The following SLC7A8 variants were observed in gnomAD, a reference collection of about 807,000 sequenced individuals.
SLC7A8 encodes the protein solute carrier family 7 member 8.
In SLC7A8, 30 loss-of-function variants were observed where a neutral mutation model predicts 51.2. The ratio of observed to expected loss-of-function variants is 0.59; its 90% CI spans 0.44 to 0.80. The LOEUF is 0.80. Ranked by LOEUF, SLC7A8 falls within the 30% of genes least tolerant of loss-of-function variation. The pLI, the probability that SLC7A8 is intolerant of heterozygous loss-of-function variation, is 0.00. For synonymous variants in SLC7A8, 257 were observed against 275.8 expected (o/e 0.93, Z 0.67); for missense variants, 612 against 674.4 (o/e 0.91, Z 1.03).
intron 3 of SLC7A8, among the ~76,000 whole-genome samples, chr14:23,152,992 C>T (rs1386673375): frequency 6.6e-6 from 1 of 152,218 alleles, no homozygotes; most frequent in African/African-American, 2.4e-5. Context: ...TGGGACTCTC[C>T]TTGTAGTCAA....
In SLC7A8 at chr14:23,128,421, AG is replaced by A. The variant is rs2048600940; in HGVS notation, c.1264-226del. The A allele has an allele frequency of 1.4e-6, 2 of 1,475,502 alleles. No homozygotes were observed. Among genetic ancestry groups the A allele is most frequent in the East Asian group, 5.2e-5 (2 of 38,266 alleles). 91.4% of individuals were successfully genotyped at this position (1,475,502 alleles called of 1,614,324 possible). A position where few individuals can be genotyped will look rare whatever the true frequency, so the allele number is the denominator to read the frequency against. ...GTCAGACAGGAAGAGGATGGGGAGG[AG>A]TTAGGGAGGAAACGATCCTCCTTGC... is the stretch of plus-strand genomic sequence containing the variant. On this transcript the variant is annotated intron_variant, in intron 9 of 10. Coordinates refer to ENST00000316902, the MANE Select transcript of SLC7A8 (RefSeq NM_012244.4). The surrounding 1 kb of genome is among the most constrained non-coding windows in gnomAD (Gnocchi z 4.3).
At chr14:23,159,772 T>C (rs900827292) in intron 3 of SLC7A8, among the ~76,000 whole-genome samples, 1 of 152,194 alleles carries the variant, frequency 6.6e-6, no homozygotes, top group Non-Finnish European at 1.5e-5. Flanking sequence ...ACTCAGGAGT[T>C]TGAAGCAACA....
chr14:23,153,121 T>C (rs372852975), intron 3 of SLC7A8, among the ~76,000 whole-genome samples: 33 of 152,242 alleles, frequency 2.2e-4, no homozygotes, highest in African/African-American at 7.2e-4. Flanking sequence ...TCATTTTATT[T>C]TTCTTTTACA....
intron 3 of SLC7A8, chr14:23,146,925 T>G (rs2048799855): frequency 6.6e-6 from 1 of 152,216 alleles, no homozygotes; most frequent in Non-Finnish European, 1.5e-5. Context: ...TAGCTACTGC[T>G]TGGCACTTGT....
chr14:23,143,746 T>TA (rs1323480848), intron 3 of SLC7A8, among the ~76,000 whole-genome samples: 1 of 152,266 alleles, frequency 6.6e-6, no homozygotes, highest in Non-Finnish European at 1.5e-5. Flanking sequence ...GCACTTCATA[T>TA]ATAGAACATT....
Position 23,143,179 on chromosome 14 carries a change from G to C in SLC7A8, c.534C>G (p.Ser178=), listed in dbSNP as rs773287689. 3 of 1,614,200 alleles carry C rather than the reference G, an allele frequency of 1.9e-6. No homozygotes were observed. The highest frequency in any genetic ancestry group is 2.2e-5 in the South Asian group (2 of 91,078). Residue 178 remains serine (S), a synonymous_variant, in exon 4 of 11, where the codon TCC becomes TCG. Transcript: ENST00000316902. ...CLLLLTWVNC[S]SVRWATRVQD... ...GAACCCGGGTGGCCCACCGCACACTGGAACAGTTGACCCATGTGAGGAGCA... is the reference window on the plus strand; with the variant it reads ...GAACCCGGGTGGCCCACCGCACACTCGAACAGTTGACCCATGTGAGGAGCA...
intron 3 of SLC7A8, among the ~76,000 whole-genome samples, chr14:23,147,104 T>TC (rs1566364153): frequency 1.6e-4 from 24 of 151,488 alleles, no homozygotes; most frequent in East Asian, 5.8e-4. Flanking sequence ...CATCCATCCA[T>TC]CATAGATCCA....
intron 3 of SLC7A8, among the ~76,000 whole-genome samples, chr14:23,157,922 T>A (rs1010010913): frequency 1.3e-5 from 2 of 152,172 alleles, no homozygotes; most frequent in Non-Finnish European, 2.9e-5. Flanking sequence ...GGTTCCTTGG[T>A]ACAAAAACTA....
intron 8 of SLC7A8, among the ~76,000 whole-genome samples, chr14:23,130,837 C>G (rs541426247): frequency 9.9e-5 from 15 of 152,068 alleles, no homozygotes; most frequent in African/African-American, 3.6e-4. Flanking sequence ...AAAAATAACT[C>G]AAAAGACTCA....
At chr14:23,178,731 T>C (rs918088947) in intron 1 of SLC7A8, among the ~76,000 whole-genome samples, 7 of 151,278 alleles carry the variant, frequency 4.6e-5, no homozygotes, top group Non-Finnish European at 7.4e-5. Context: ...CTGGGCAACA[T>C]AGGGAGACCC....
intron 7 of SLC7A8, among the ~76,000 whole-genome samples, chr14:23,132,930 C>T (rs1378677749): frequency 6.6e-6 from 1 of 151,064 alleles, no homozygotes; most frequent in African/African-American, 2.4e-5. Context: ...GCCACTATGC[C>T]CAGCCTATGA....
intron 4 of SLC7A8, among the ~76,000 whole-genome samples, chr14:23,142,713 G>T (rs1321783174): frequency 6.6e-6 from 1 of 151,772 alleles, no homozygotes; most frequent in Non-Finnish European, 1.5e-5. Flanking sequence ...TGCTGTTCAG[G>T]CTAGTCTCAA....
At chr14:23,134,437 C>CA (rs57162273) in intron 7 of SLC7A8, among the ~76,000 whole-genome samples, 1,741 of 64,232 alleles carry the variant, frequency 0.027, 49 homozygotes, top group Middle Eastern at 0.038. Flanking sequence ...ACCCTGTCTC[C>CA]AAAAAAAAAA....
chr14:23,147,443 G>A (rs915213675), intron 3 of SLC7A8, among the ~76,000 whole-genome samples: 1 of 152,236 alleles, frequency 6.6e-6, no homozygotes, highest in African/African-American at 2.4e-5. Context: ...GGGCATCTAT[G>A]AGGAACCACT....
intron 1 of SLC7A8, 115 bp downstream of exon 1, chr14:23,182,649 C>T: frequency 8.2e-7 from 1 of 1,220,698 alleles, no homozygotes; most frequent in South Asian, 1.8e-5. Flanking sequence ...GCTCAGGTGA[C>T]TGACAATCCT....
intron 1 of SLC7A8, among the ~76,000 whole-genome samples, 157 bp from the exon 2 acceptor site, chr14:23,166,697 CT>C (rs1015346779): frequency 2.0e-5 from 3 of 152,210 alleles, no homozygotes; most frequent in Non-Finnish European, 4.4e-5. Flanking sequence ...ATAATTCTCC[CT>C]GAAGTAGGGG....
At position 23,182,897 on chromosome 14, in the gene SLC7A8, C is replaced by T. The variant is rs201823974; in HGVS notation, c.18G>A (p.Arg6=). ...GTTTCTTTTCGGTGTTGTTTCGGTG[C>T]CTGGCTCCTTCTTCCATCCTTCTCA... The part of the protein sequence containing the change: MEEGA[R]HRNNTEKKHP... Residue 6 remains arginine, a synonymous_variant, in exon 1 of 11, where the codon AGG becomes AGA. Coordinates refer to ENST00000316902, the MANE Select transcript of SLC7A8 (RefSeq NM_012244.4). 2.6e-5 allele frequency: 42 copies of T among 1,614,112 alleles called. No homozygotes were observed. In the South Asian group the frequency reaches 4.0e-4, roughly 15 times the overall value.
At chr14:23,170,351 G>T (rs1404746248) in intron 1 of SLC7A8, among the ~76,000 whole-genome samples, 1 of 152,202 alleles carries the variant, frequency 6.6e-6, no homozygotes, top group Non-Finnish European at 1.5e-5. Flanking sequence ...GTCTAAGTGA[G>T]ACTTTCCTGG....
chr14:23,168,694 G>A (rs1207979053), intron 1 of SLC7A8, among the ~76,000 whole-genome samples: 1 of 152,192 alleles, frequency 6.6e-6, no homozygotes, highest in African/African-American at 2.4e-5. Context: ...GGAAAATGAG[G>A]ATGGGTGTTA....
Sources: allele counts gnomAD v4.1 joint callset (sites outside exome capture counted in the v4.1 genomes callset), GRCh38; gene constraint gnomAD v4.1.1; non-coding constraint Gnocchi (gnomAD v3.1); transcripts MANE v1.5; gene names NCBI Gene and HGNC (gene_info 2026-07-23, HGNC 2026-07-21).